Variants in PAG1 observed in about 807,000 individuals in gnomAD.
PAG1 encodes the protein phosphoprotein membrane anchor with glycosphingolipid microdomains 1.
A neutral mutation model predicts 31.7 loss-of-function variants in PAG1; 23 were observed. The observed-to-expected ratio is 0.73, with a 90% CI of 0.52 to 1.03. The LOEUF (loss-of-function observed/expected upper bound fraction) is 1.03. Ranked by LOEUF, PAG1 falls within the 50% of genes least tolerant of loss-of-function variation. PAG1 has a pLI of 0.00. For synonymous variants in PAG1, 214 were observed against 210.3 expected (o/e 1.02, Z -0.15); for missense variants, 473 against 540.7 (o/e 0.87, Z 1.24).
intron 3 of PAG1, among the ~76,000 whole-genome samples, chr8:81,025,676 C>T (rs1189829298): frequency 6.6e-6 from 1 of 152,186 alleles, no homozygotes; most frequent in South Asian, 2.1e-4. Flanking sequence ...ACATGCTGCT[C>T]GGGCGTTCCT....
chr8:81,091,691 A>C (rs1187814754), intron 1 of PAG1, among the ~76,000 whole-genome samples: 1 of 152,148 alleles, frequency 6.6e-6, no homozygotes, highest in Non-Finnish European at 1.5e-5. Flanking sequence ...ACATGATTAC[A>C]TACATATATA....
chr8:81,061,370 T>A (rs1393977227), intron 2 of PAG1, among the ~76,000 whole-genome samples: 1 of 152,210 alleles, frequency 6.6e-6, no homozygotes, highest in East Asian at 1.9e-4. Context: ...AGCTCTCTTG[T>A]GGCTGGAAAA....
chr8:81,031,291 G>A (rs1168883632), intron 2 of PAG1, among the ~76,000 whole-genome samples: 3 of 152,118 alleles, frequency 2.0e-5, no homozygotes, highest in Non-Finnish European at 2.9e-5. Flanking sequence ...CACAATCATG[G>A]GCTGTCTTCT....
At chr8:81,066,895 T>G (rs1809017460) in intron 2 of PAG1, among the ~76,000 whole-genome samples, 2 of 152,180 alleles carry the variant, frequency 1.3e-5, no homozygotes, top group Admixed American at 1.3e-4. Flanking sequence ...GCATGGTGGT[T>G]CATGCCTGCA....
intron 2 of PAG1, among the ~76,000 whole-genome samples, chr8:81,049,006 A>G (rs549547710): frequency 1.5e-4 from 23 of 152,364 alleles, no homozygotes; most frequent in African/African-American, 5.3e-4. Flanking sequence ...TGACTTTATT[A>G]ATGCATTTTT....
At position 81,088,804 on chromosome 8, in the gene PAG1, A is replaced by G. The variant is rs565997332; in HGVS notation, c.-233-18634T>C. On this transcript the variant is annotated intron_variant, in intron 1 of 8. Transcript: ENST00000220597. ...CTAATAAGAGCAAAGGAAAGTTGTT[A>G]TGGAAAATATCAAAGTGAAAGGATT... Among the ~76,000 whole-genome samples, 3 of 152,374 alleles carry G rather than the reference A, an allele frequency of 2.0e-5. No homozygotes were observed. The East Asian group carries it at 5.8e-4, about 29-fold the overall frequency.
intron 2 of PAG1, among the ~76,000 whole-genome samples, chr8:81,062,839 G>C (rs34050117): frequency 6.6e-6 from 1 of 151,928 alleles, no homozygotes; most frequent in Non-Finnish European, 1.5e-5. Flanking sequence ...TCTTTTATCA[G>C]GAATCTTCAG....
At chr8:81,109,065 A>G (rs1232182036) in intron 1 of PAG1, among the ~76,000 whole-genome samples, 2 of 152,198 alleles carry the variant, frequency 1.3e-5, no homozygotes, top group Admixed American at 1.3e-4. Flanking sequence ...TGTAAACTCT[A>G]ACATCACACC....
At position 81,027,562 on chromosome 8, in the gene PAG1, T is replaced by G. The variant is rs546048967; in HGVS notation, c.-81+2434A>C. 9.8e-5 allele frequency among the ~76,000 whole-genome samples: 15 copies of G among 152,302 alleles called. No homozygotes were observed. The South Asian group carries it at 2.7e-3, about 27-fold the overall frequency. ...GGATAGAATTTTAAAAGTCTCATAA[T>G]TTATATTATGTAGTTTTTATAAAAA... On this transcript the variant is annotated intron_variant, in intron 3 of 8. Transcript: ENST00000220597.
intron 1 of PAG1, among the ~76,000 whole-genome samples, chr8:81,073,222 C>G (rs913618592): frequency 2.6e-5 from 4 of 152,172 alleles, no homozygotes; most frequent in African/African-American, 9.7e-5. Context: ...GCGAATTAGG[C>G]ATATTTAGCC....
chr8:81,095,505 C>T (rs1326371879), intron 1 of PAG1, among the ~76,000 whole-genome samples: 4 of 152,150 alleles, frequency 2.6e-5, no homozygotes, highest in African/African-American at 9.7e-5. Context: ...CATGCAAACC[C>T]TGGTTGTTTT....
At chr8:81,039,703 C>G (rs1217534960) in intron 2 of PAG1, among the ~76,000 whole-genome samples, 1 of 152,180 alleles carries the variant, frequency 6.6e-6, no homozygotes, top group African/African-American at 2.4e-5. Context: ...GAAGGTAATT[C>G]TCATTACTTT....
intron 1 of PAG1, among the ~76,000 whole-genome samples, chr8:81,099,509 C>CTGTA (rs1170278189): frequency 6.6e-6 from 1 of 152,082 alleles, no homozygotes; most frequent in Non-Finnish European, 1.5e-5. Flanking sequence ...TGAACCTGCA[C>CTGTA]TGTAGCATGT....
intron 1 of PAG1, among the ~76,000 whole-genome samples, chr8:81,109,436 A>G (rs764534854): frequency 1.3e-5 from 2 of 152,188 alleles, no homozygotes; most frequent in Non-Finnish European, 2.9e-5. Flanking sequence ...TCTCATCTCT[A>G]AAGTAGAGAT....
chr8:81,036,707 C>T (rs539482825), intron 2 of PAG1, among the ~76,000 whole-genome samples: 7 of 152,326 alleles, frequency 4.6e-5, no homozygotes, highest in Middle Eastern at 3.4e-3. Flanking sequence ...CTCTTCTCCC[C>T]CTGCTAAGCT....
At chr8:80,995,534 G>C (rs1017820918) in intron 3 of PAG1, among the ~76,000 whole-genome samples, 1 of 152,216 alleles carries the variant, frequency 6.6e-6, no homozygotes, top group East Asian at 1.9e-4. Flanking sequence ...GCTAAATCAT[G>C]ATGACCAATG....
intron 1 of PAG1, among the ~76,000 whole-genome samples, chr8:81,103,908 T>G (rs1809649860): frequency 1.3e-5 from 2 of 152,104 alleles, no homozygotes; most frequent in Admixed American, 6.5e-5. Context: ...CTTTCCATTC[T>G]CCCATGAAGC....
intron 2 of PAG1, among the ~76,000 whole-genome samples, chr8:81,036,064 T>C (rs1426565461): frequency 6.6e-6 from 1 of 152,216 alleles, no homozygotes; most frequent in Non-Finnish European, 1.5e-5. Flanking sequence ...GTGTTTATAC[T>C]GATCCCTGTG....
In PAG1 at chr8:80,972,615, T is replaced by C. The variant is rs1461775264; in HGVS notation, c.*3929A>G. The C allele has an allele frequency of 2.0e-5, 3 of 152,176 alleles. No individual in the cohort carries two copies. The highest frequency in any genetic ancestry group is 7.2e-5 in the African/African-American group (3 of 41,424). The allele number at this position is 152,176 out of a possible 1,614,324, so 9.4% of individuals were successfully genotyped here. ...GCTTTGGGCCAAATCTCTTATCTCT[T>C]TACATTTCCTCCTCTCAGGCTGAGT... On this transcript the variant is annotated 3_prime_UTR_variant, in exon 9 of 9. Coordinates refer to ENST00000220597, the MANE Select transcript of PAG1 (RefSeq NM_018440.4).
Sources: gnomAD v4.1 joint callset for allele counts (sites outside exome capture counted in the v4.1 genomes callset) on GRCh38, gnomAD v4.1.1 for gene constraint, MANE v1.5 for transcripts, NCBI Gene and HGNC (gene_info 2026-07-23, HGNC 2026-07-21) for gene names.